Variants in NINL observed in about 807,000 individuals in gnomAD.
NINL encodes the protein ninein like, also known as ninein-like protein.
Under a neutral mutation model 160.3 loss-of-function variants are expected in NINL, and 153 were observed. That is an observed-to-expected ratio of 0.95 (90% CI 0.84 to 1.09). NINL has a LOEUF of 1.09. NINL is among the 50% of genes least tolerant of loss of function. The pLI, the probability that NINL is intolerant of heterozygous loss-of-function variation, is 0.00. For synonymous variants in NINL, 800 were observed against 734.8 expected, an observed-to-expected ratio of 1.09 and a Z score of -1.43; for missense variants, 1,829 against 1,764.0, an observed-to-expected ratio of 1.04 and a Z score of -0.66.
At chr20:25,481,704 A>C (rs2063391791) in intron 14 of NINL, 4 of 511,722 alleles carry the variant, frequency 7.8e-6, no homozygotes, top group Non-Finnish European at 1.4e-5. Context: ...AACAGCTCTG[A>C]GATGTGGGAA....
chr20:25,559,893 C>T (rs1415985572), intron 1 of NINL, among the ~76,000 whole-genome samples: 3 of 152,032 alleles, frequency 2.0e-5, no homozygotes, highest in Non-Finnish European at 4.4e-5. Flanking sequence ...AGGCGTGAGC[C>T]AGCATGCCCC....
At chr20:25,504,590 G>A (rs535953538) in intron 6 of NINL, among the ~76,000 whole-genome samples, 7 of 152,216 alleles carry the variant, frequency 4.6e-5, no homozygotes, top group Non-Finnish European at 1.0e-4. Context: ...CGGCCACACA[G>A]AGAAGGGGGA....
At chr20:25,495,743 G>A (rs1447874797) in intron 10 of NINL, among the ~76,000 whole-genome samples, 4 of 152,324 alleles carry the variant, frequency 2.6e-5, no homozygotes, top group African/African-American at 4.8e-5. Flanking sequence ...CACCAATGAC[G>A]TAGAGAAGCC....
chr20:25,486,243 C>CA (rs2063501591), intron 13 of NINL, among the ~76,000 whole-genome samples: 2 of 151,140 alleles, frequency 1.3e-5, no homozygotes, highest in Non-Finnish European at 3.0e-5. Flanking sequence ...TTGAAACAGA[C>CA]AAAAAAATCC....
At chr20:25,500,735 C>T in intron 8 of NINL, 105 bp downstream of exon 8, 3 of 1,247,888 alleles carry the variant, frequency 2.4e-6, no homozygotes, top group Non-Finnish European at 3.4e-6. Flanking sequence ...ACAGAGCACA[C>T]ACCCCTGCTG....
intron 1 of NINL, among the ~76,000 whole-genome samples, chr20:25,554,649 A>C (rs2064847306): frequency 2.1e-5 from 3 of 146,130 alleles, no homozygotes; most frequent in Admixed American, 1.3e-4. Context: ...AAAAAAAAAA[A>C]AAAAAAAATT....
chr20:25,575,775 A>C (rs575378342), intron 1 of NINL, among the ~76,000 whole-genome samples: 11,171 of 149,270 alleles, frequency 0.075, 585 homozygotes, highest in African/African-American at 0.15. Context: ...AAAAAAAAAA[A>C]CTTGTAAGAA....
rs773372649 is a variant in NINL, at chr20:25,476,749, GT to G, written c.2541del (p.Pro848HisfsTer115). On this transcript the variant is annotated frameshift_variant, in exon 17 of 24. Coordinates refer to ENST00000278886, the MANE Select transcript of NINL (RefSeq NM_025176.6). LOFTEE classifies it high-confidence loss of function. ...CGCTCCCCACAGCCCGGACGCAGTG[GT>G]AGGAGGCCACGTGTGCCCTCCTGGC... ...GSGQEGTRGLLPLRPGCGERP... is the reference protein window; with the variant it reads ...GSGQEGTRGLXPLRPGCGERP... The G allele has an allele frequency of 6.2e-7, 1 of 1,608,794 alleles. No homozygotes were observed. Among genetic ancestry groups the G allele is most frequent in the East Asian group, 2.2e-5 (1 of 44,858 alleles).
intron 17 of NINL, among the ~76,000 whole-genome samples, chr20:25,473,696 A>ACG (rs1371011214): frequency 4.7e-5 from 7 of 147,574 alleles, no homozygotes; most frequent in African/African-American, 1.7e-4. Context: ...ACACACACAC[A>ACG]CACACACACA....
rs374315916 is a variant in NINL at position 25,553,763 on chromosome 20, G to A, written c.-11-27165C>T. Reference sequence around the variant, plus strand: ...AAGAGCATCTCAGTTCAACAGGCACGATGGGAAGAGGTTCTGAAACAGTGG... The same window carrying A: ...AAGAGCATCTCAGTTCAACAGGCACAATGGGAAGAGGTTCTGAAACAGTGG... On this transcript the variant is annotated intron_variant, in intron 1 of 23. Transcript: ENST00000278886. 2.6e-5 allele frequency among the ~76,000 whole-genome samples: 4 copies of A among 152,206 alleles called. No homozygotes were observed. The South Asian group carries it at 6.2e-4, about 24-fold the overall frequency.
chr20:25,514,861 A>G (rs2064133925), intron 3 of NINL, among the ~76,000 whole-genome samples: 1 of 152,212 alleles, frequency 6.6e-6, no homozygotes, highest in Non-Finnish European at 1.5e-5. Context: ...CTGCAGGTGG[A>G]CGGAGGGCAA....
rs1417529875 is a variant in NINL, at chr20:25,477,003, T to A, written c.2288A>T (p.Glu763Val). 6.2e-7 allele frequency: 1 copy of A among 1,601,514 alleles called. No homozygotes were observed. The highest frequency in any genetic ancestry group is 8.5e-7 in the Non-Finnish European group (1 of 1,179,694). ...GCGTGGCAGGGGTCCCTGCGGCGGC[T>A]CCTCCAGCTCCAAGGTCAGGTCTCT... ...ARRDLTLELE[E>V]PPQGPLPRGS... The change falls in exon 17 of 24, where the codon GAG (glutamate) becomes GTG (valine). Residue 763 changes from glutamate (E) to valine (V), a missense_variant. Coordinates refer to ENST00000278886, the MANE Select transcript of NINL (RefSeq NM_025176.6).
In NINL at chr20:25,491,484, C is replaced by T. The variant is rs765812351; in HGVS notation, c.1352G>A (p.Arg451Gln). 3.4e-5 allele frequency: 55 copies of T among 1,613,948 alleles called. 2 individuals are homozygous for T. The South Asian group carries it at 4.2e-4, about 12-fold the overall frequency. The change falls in exon 11 of 24, where the codon CGG (arginine) becomes CAG (glutamine). Residue 451 changes from arginine to glutamine, a missense_variant. Transcript: ENST00000278886. ...CTCTCGCTCCGCCTCCACCTCAGAC[C>T]GCAGGAGGCTCAGCCTTTCCCGGTA... ...QGYRERLSLL[R>Q]SEVEAERELF...
At chr20:25,576,454 AT>A (rs1181950924) in intron 1 of NINL, among the ~76,000 whole-genome samples, 1 of 152,040 alleles carries the variant, frequency 6.6e-6, no homozygotes, top group East Asian at 1.9e-4. Context: ...AAGTTTATTC[AT>A]TTTTATTTTA....
intron 10 of NINL, 122 bp from the exon 11 acceptor site, chr20:25,491,647 C>T (rs2063641394): frequency 8.2e-6 from 10 of 1,216,142 alleles, no homozygotes; most frequent in Middle Eastern, 4.2e-4. Context: ...TGCAGGGCCG[C>T]CCTGCCTTGG....
intron 2 of NINL, among the ~76,000 whole-genome samples, chr20:25,524,708 G>A (rs1474876349): frequency 6.6e-6 from 1 of 152,134 alleles, no homozygotes; most frequent in African/African-American, 2.4e-5. Flanking sequence ...AGAATTGGAT[G>A]TTTCTGTCTT....
intron 1 of NINL, among the ~76,000 whole-genome samples, chr20:25,553,436 A>T (rs958852067): frequency 2.6e-5 from 4 of 152,186 alleles, no homozygotes; most frequent in Non-Finnish European, 5.9e-5. Flanking sequence ...TCTCTAACCA[A>T]TGGCTTGTGG....
At chr20:25,511,376 A>C (rs1289169153) in intron 4 of NINL, among the ~76,000 whole-genome samples, 1 of 152,226 alleles carries the variant, frequency 6.6e-6, no homozygotes, top group Admixed American at 6.5e-5. Flanking sequence ...ACGCGACTTA[A>C]GTAAAAACCT....
chr20:25,484,291 T>C (rs2063462955), intron 13 of NINL, among the ~76,000 whole-genome samples: 1 of 152,228 alleles, frequency 6.6e-6, no homozygotes, highest in African/African-American at 2.4e-5. Context: ...GTGATCCTTC[T>C]GGAATCTGGA....
Sources: allele counts gnomAD v4.1 joint callset (sites outside exome capture counted in the v4.1 genomes callset), GRCh38; gene constraint gnomAD v4.1.1; transcripts MANE v1.5; gene names NCBI Gene and HGNC (gene_info 2026-07-23, HGNC 2026-07-21).